Variants in SUN1 observed in about 807,000 individuals in gnomAD.
SUN1 encodes the protein Sad1 and UNC84 domain containing 1.
Under a neutral mutation model 103.2 loss-of-function variants are expected in SUN1, and 61 were observed. The observed-to-expected ratio is 0.59, with a 90% CI of 0.48 to 0.73. The LOEUF (loss-of-function observed/expected upper bound fraction) is 0.73. Ranked by LOEUF, SUN1 falls within the 30% of genes least tolerant of loss-of-function variation. The pLI is 0.00. For missense variants in SUN1, 1,052 were observed against 1,034.6 expected (o/e 1.02, Z -0.23); for synonymous variants, 490 against 425.7 (o/e 1.15, Z -1.86).
At position 860,130 on chromosome 7, in the gene SUN1, G is replaced by T; in HGVS notation, c.1527G>T (p.Val509=). Reference sequence around the variant, plus strand: ...GTGTCCGTCTGCTGTTTTACTAGGTGGACGTGCAAGTCAGAGAAATGGTGA... The same window carrying T: ...GTGTCCGTCTGCTGTTTTACTAGGTTGACGTGCAAGTCAGAGAAATGGTGA... ...CETVDAVQER[V]DVQVREMVKL... is the part of the protein sequence containing the mutation. Residue 509 remains valine, a splice_region_variant and synonymous_variant, in exon 14 of 19, where the codon GTG becomes GTT. Transcript: ENST00000401592. 1 of 1,613,732 alleles carries T rather than the reference G, an allele frequency of 6.2e-7. No homozygotes were observed. The highest frequency in any genetic ancestry group is 1.1e-5 in the South Asian group (1 of 91,074).
chr7:872,239 C>T (rs887069355), intron 17 of SUN1, among the ~76,000 whole-genome samples: 2 of 152,102 alleles, frequency 1.3e-5, no homozygotes, highest in South Asian at 2.1e-4. Context: ...ATGTGTATAA[C>T]GGGGAATCGT....
At chr7:823,156 G>A (rs79492711) in intron 1 of SUN1, among the ~76,000 whole-genome samples, 5,312 of 152,354 alleles carry the variant, frequency 0.035, 286 homozygotes, top group African/African-American at 0.11. Context: ...TTCCAGTCAC[G>A]TGCAGCGTTC....
rs377639696 is a variant in SUN1 at position 858,672 on chromosome 7, C to T, written c.1524+715C>T. 3.9e-4 allele frequency among the ~76,000 whole-genome samples: 59 copies of T among 152,322 alleles called. 2 individuals carry two copies. The highest frequency in any genetic ancestry group is 1.4e-3 in the African/African-American group (57 of 41,572). On this transcript the variant is annotated intron_variant, in intron 13 of 18. Coordinates refer to ENST00000401592, the MANE Select transcript of SUN1 (RefSeq NM_001130965.3). ...ATAGACATTGCTTCAAGTCCATCATCCTTAGGCAGAGGAGAAAATCTAGAC... is the reference window on the plus strand; with the variant it reads ...ATAGACATTGCTTCAAGTCCATCATTCTTAGGCAGAGGAGAAAATCTAGAC...
rs555812329 is a variant in SUN1, at chr7:854,301, G to A, written c.1264-619G>A. 2.5e-3 allele frequency among the ~76,000 whole-genome samples: 378 copies of A among 152,362 alleles called. 2 individuals carry two copies. The highest frequency in any genetic ancestry group is 4.1e-3 in the Non-Finnish European group (279 of 68,038). On this transcript the variant is annotated intron_variant, in intron 10 of 18. Coordinates refer to ENST00000401592, the MANE Select transcript of SUN1 (RefSeq NM_001130965.3). ...GCAGGGCTTCCCTCCGAGGCGGTGC[G>A]CGCAGCGTCAAACGCTCAGCCCCCG...
chr7:865,437 T>C (rs947549800), intron 15 of SUN1, among the ~76,000 whole-genome samples: 2 of 152,214 alleles, frequency 1.3e-5, no homozygotes, highest in African/African-American at 4.8e-5. Context: ...TATGGCTGAA[T>C]AGTACTCCAT....
intron 1 of SUN1, chr7:817,456 C>T (rs780418664): frequency 2.6e-6 from 4 of 1,536,166 alleles, no homozygotes; most frequent in South Asian, 2.4e-5. Context: ...CTGTCACCGT[C>T]ATGGGGAGGA....
chr7:854,527 G>A (rs888155113), intron 10 of SUN1, among the ~76,000 whole-genome samples: 14 of 152,246 alleles, frequency 9.2e-5, no homozygotes, highest in East Asian at 3.8e-4. Flanking sequence ...CACGTCCCAC[G>A]ATGGCCCGAG....
At chr7:832,868 T>C in intron 1 of SUN1, 2 of 453,878 alleles carry the variant, frequency 4.4e-6, no homozygotes, top group Middle Eastern at 5.7e-4. Flanking sequence ...GGTTGTGATG[T>C]TGAGAAGATG....
In SUN1 at chr7:869,442, A is replaced by T. The variant is rs768393163; in HGVS notation, c.2074A>T (p.Thr692Ser). ...LSMMIHPAAF[T>S]LEHIPKTLSP... ...CATGATGATCCACCCAGCCGCCTTC[A>T]CTCTGGAGCACATCCCTAAGACGCT... Residue 692 changes from threonine to serine, a missense_variant, in exon 17 of 19, where the codon ACT becomes TCT. Physicochemically the swap from Thr to Ser is moderately conservative, Grantham distance 58. Coordinates refer to ENST00000401592, the MANE Select transcript of SUN1 (RefSeq NM_001130965.3). 2.5e-6 allele frequency: 4 copies of T among 1,613,636 alleles called. No individual in the cohort carries two copies. The Admixed American group carries it at 6.7e-5, about 27-fold the overall frequency.
intron 1 of SUN1, among the ~76,000 whole-genome samples, chr7:834,739 A>G (rs1388987596): frequency 6.6e-6 from 1 of 152,208 alleles, no homozygotes; most frequent in Non-Finnish European, 1.5e-5. Flanking sequence ...CTGAAAGGAT[A>G]GTCCAGCATT....
intron 17 of SUN1, among the ~76,000 whole-genome samples, chr7:872,128 C>T (rs968969060): frequency 6.6e-6 from 1 of 152,234 alleles, no homozygotes; most frequent in Non-Finnish European, 1.5e-5. Context: ...AGAGCTTCCA[C>T]TGTGAGTGCT....
At chr7:867,359 C>T (rs1837842136) in intron 16 of SUN1, among the ~76,000 whole-genome samples, 1 of 152,406 alleles carries the variant, frequency 6.6e-6, no homozygotes, top group Middle Eastern at 3.4e-3. Flanking sequence ...TCTGTGTCAC[C>T]TGGCAGGGCC....
chr7:827,878 A>G (rs1794059014), upstream of SUN1, among the ~76,000 whole-genome samples: 1 of 152,192 alleles, frequency 6.6e-6, no homozygotes, highest in South Asian at 2.1e-4. Flanking sequence ...TTAAAAGAGA[A>G]ACCTAGTATA....
chr7:861,255 C>A, intron 14 of SUN1, 125 bp from the exon 15 acceptor site: 3 of 915,960 alleles, frequency 3.3e-6, no homozygotes, highest in East Asian at 2.5e-5. Flanking sequence ...TGCCTAGGAA[C>A]CCTACATAGT....
chr7:859,009 C>G (rs1309348912), intron 13 of SUN1, among the ~76,000 whole-genome samples: 3 of 151,970 alleles, frequency 2.0e-5, no homozygotes, highest in African/African-American at 7.3e-5. Flanking sequence ...CAAAATTAGC[C>G]GGGTGTGGTG....
At chr7:870,673 T>G (rs1049632113) in intron 17 of SUN1, among the ~76,000 whole-genome samples, 10 of 147,544 alleles carry the variant, frequency 6.8e-5, no homozygotes, top group African/African-American at 2.2e-4. Flanking sequence ...TCAAGTAGCA[T>G]CAATCCCCCG....
intron 3 of SUN1, 96 bp from the exon 4 acceptor site, chr7:843,110 C>T: frequency 1.2e-5 from 19 of 1,540,948 alleles, no homozygotes; most frequent in Non-Finnish European, 1.6e-5. Flanking sequence ...ATTTATTAAC[C>T]ATTGTAACCT....
chr7:841,126 T>G (rs1164676112), intron 2 of SUN1, among the ~76,000 whole-genome samples: 2 of 150,556 alleles, frequency 1.3e-5, no homozygotes, highest in Non-Finnish European at 1.5e-5. Flanking sequence ...AGAGATGGGG[T>G]TTCTCCATGT....
intron 1 of SUN1, among the ~76,000 whole-genome samples, chr7:819,192 C>CTTT (rs57527104): frequency 8.6e-5 from 12 of 138,780 alleles, no homozygotes; most frequent in African/African-American, 2.1e-4. Flanking sequence ...TGGGTTGCCT[C>CTTT]TTTTTTTTTT....
Sources: allele counts gnomAD v4.1 joint callset (sites outside exome capture counted in the v4.1 genomes callset), GRCh38; gene constraint gnomAD v4.1.1; transcripts MANE v1.5; gene names NCBI Gene and HGNC (gene_info 2026-07-23, HGNC 2026-07-21).